Variants in ITFG1 observed in about 807,000 individuals in gnomAD.
ITFG1 encodes T-cell immunomodulatory protein.
In ITFG1, 34 loss-of-function variants were observed where a neutral mutation model predicts 81.8. The observed-to-expected ratio is 0.42, with a 90% CI of 0.32 to 0.55. The LOEUF (loss-of-function observed/expected upper bound fraction) is 0.55, where lower values mean the gene tolerates loss of function less well. Ranked by LOEUF, ITFG1 falls within the 20% of genes least tolerant of loss-of-function variation. The probability of loss-of-function intolerance (pLI) is 0.17; values close to 1 mark genes in which losing one functional copy is unlikely to be tolerated. For missense variants in ITFG1, 672 were observed against 755.4 expected (o/e 0.89, Z 1.29); for synonymous variants, 285 against 270.6 (o/e 1.05, Z -0.52).
In ITFG1 at chr16:47,275,534, C is replaced by G. The variant is rs139208534; in HGVS notation, c.1071-14839G>C. ...CACAGATTTAACGTTCTGAATCCAACTGCATGCTTGACATGCTGTAGGAGA... is the reference window on the plus strand; with the variant it reads ...CACAGATTTAACGTTCTGAATCCAAGTGCATGCTTGACATGCTGTAGGAGA... On this transcript the variant is annotated intron_variant, in intron 10 of 17. Coordinates refer to ENST00000320640, the MANE Select transcript of ITFG1 (RefSeq NM_030790.5). 4.9e-4 allele frequency among the ~76,000 whole-genome samples: 75 copies of G among 152,280 alleles called. 1 individual carries two copies. The highest frequency in any genetic ancestry group is 1.6e-3 in the African/African-American group (66 of 41,582).
intron 6 of ITFG1, among the ~76,000 whole-genome samples, chr16:47,409,397 TA>T (rs1968775885): frequency 4.3e-3 from 81 of 18,680 alleles, no homozygotes; most frequent in African/African-American, 7.0e-3. Context: ...TATATATATA[TA>T]TATATATTTT....
At chr16:47,230,560 G>A (rs1965804777) in intron 13 of ITFG1, among the ~76,000 whole-genome samples, 1 of 152,168 alleles carries the variant, frequency 6.6e-6, no homozygotes, top group Non-Finnish European at 1.5e-5. Context: ...AAAGACACCA[G>A]CAGACAAGTG....
chr16:47,460,750 G>A (rs1322424219), intron 1 of ITFG1, 88 bp downstream of exon 1: 4 of 1,401,950 alleles, frequency 2.9e-6, no homozygotes, highest in Non-Finnish European at 4.0e-6. Flanking sequence ...AGGAAATGCA[G>A]AAGGACCGGC....
chr16:47,215,026 A>G (rs1965608855), intron 14 of ITFG1, among the ~76,000 whole-genome samples: 1 of 152,124 alleles, frequency 6.6e-6, no homozygotes, highest in South Asian at 2.1e-4. Flanking sequence ...ACTCTGATCA[A>G]TAGATTGTTT....
chr16:47,363,279 T>C (rs1968132986), intron 8 of ITFG1, among the ~76,000 whole-genome samples: 1 of 152,208 alleles, frequency 6.6e-6, no homozygotes, highest in Non-Finnish European at 1.5e-5. Flanking sequence ...TAAAGCATAA[T>C]AGAAGTTTAA....
chr16:47,440,277 C>T (rs1370110116), intron 5 of ITFG1, among the ~76,000 whole-genome samples: 4 of 152,112 alleles, frequency 2.6e-5, no homozygotes, highest in Admixed American at 6.5e-5. Context: ...GACAGATCAA[C>T]GAAACAGAAA....
intron 8 of ITFG1, among the ~76,000 whole-genome samples, chr16:47,352,059 C>G (rs191926127): frequency 2.0e-5 from 3 of 152,258 alleles, no homozygotes; most frequent in Non-Finnish European, 4.4e-5. Context: ...AAAATTAATT[C>G]AAGATGGACT....
chr16:47,181,987 G>T (rs1033271172), intron 14 of ITFG1, among the ~76,000 whole-genome samples: 1 of 152,026 alleles, frequency 6.6e-6, no homozygotes, highest in African/African-American at 2.4e-5. Context: ...AAGGCAGCAG[G>T]CTCCTTAAGA....
chr16:47,185,428 A>G (rs1965198318), intron 14 of ITFG1, among the ~76,000 whole-genome samples: 1 of 152,250 alleles, frequency 6.6e-6, no homozygotes, highest in Non-Finnish European at 1.5e-5. Context: ...GACAAAGTGC[A>G]ATCAAACTAG....
intron 13 of ITFG1, among the ~76,000 whole-genome samples, chr16:47,230,602 G>A (rs1170024766): frequency 6.6e-6 from 1 of 152,146 alleles, no homozygotes; most frequent in African/African-American, 2.4e-5. Flanking sequence ...ATAAACAGTG[G>A]AACAAGGCCC....
intron 10 of ITFG1, among the ~76,000 whole-genome samples, chr16:47,303,937 A>C (rs1156769327): frequency 1.3e-5 from 2 of 152,074 alleles, no homozygotes; most frequent in East Asian, 3.9e-4. Flanking sequence ...GCCTGTTAAT[A>C]ATTTTCCGTT....
chr16:47,451,273 T>C, intron 5 of ITFG1, 123 bp downstream of exon 5: 1 of 587,402 alleles, frequency 1.7e-6, no homozygotes, highest in Non-Finnish European at 3.0e-6. Flanking sequence ...CTTATATATA[T>C]TAACCAAATG....
chr16:47,211,365 T>C (rs948288317), intron 14 of ITFG1, among the ~76,000 whole-genome samples: 6 of 152,232 alleles, frequency 3.9e-5, no homozygotes, highest in Non-Finnish European at 5.9e-5. Flanking sequence ...TTTGCGTTCT[T>C]GTATCCTGCA....
intron 6 of ITFG1, among the ~76,000 whole-genome samples, chr16:47,423,193 C>T (rs1389144651): frequency 6.7e-6 from 1 of 149,964 alleles, no homozygotes; most frequent in Non-Finnish European, 1.5e-5. Context: ...TTCTTTGTCT[C>T]TTTTGATCTT....
At chr16:47,369,617 T>A (rs1968223371) in intron 7 of ITFG1, among the ~76,000 whole-genome samples, 1 of 152,144 alleles carries the variant, frequency 6.6e-6, no homozygotes, top group African/African-American at 2.4e-5. Flanking sequence ...ATTTGTATAT[T>A]TATGTTCTTT....
In ITFG1 at chr16:47,380,272, C is replaced by T. The variant is rs547000519; in HGVS notation, c.656-4332G>A. Among the ~76,000 whole-genome samples, 13 of 152,212 alleles carry T rather than the reference C, an allele frequency of 8.5e-5. No individual in the cohort carries two copies. In the East Asian group the frequency reaches 1.2e-3, roughly 14 times the overall value. ...CAGAAACTCTGAGTCCTCAGATTCA[C>T]GCAAAACTTCATAGTCTGCAGAAGT... On this transcript the variant is annotated intron_variant, in intron 6 of 17. Coordinates refer to ENST00000320640, the MANE Select transcript of ITFG1 (RefSeq NM_030790.5).
At chr16:47,319,121 T>C (rs957958104) in intron 8 of ITFG1, among the ~76,000 whole-genome samples, 2 of 152,226 alleles carry the variant, frequency 1.3e-5, no homozygotes, top group Non-Finnish European at 1.5e-5. Flanking sequence ...AATCACACAT[T>C]GATCATTTGA....
At chr16:47,438,331 G>A (rs1260996379) in intron 5 of ITFG1, among the ~76,000 whole-genome samples, 3 of 152,210 alleles carry the variant, frequency 2.0e-5, no homozygotes, top group Non-Finnish European at 4.4e-5. Flanking sequence ...CAGCTTTGAA[G>A]AGAGTAGTGG....
chr16:47,319,365 C>A (rs571810934), intron 8 of ITFG1, among the ~76,000 whole-genome samples: 1 of 152,288 alleles, frequency 6.6e-6, no homozygotes, highest in Admixed American at 6.5e-5. Context: ...AAGCTCACTT[C>A]GTTCATTTTA....
Sources: gnomAD v4.1 joint callset for allele counts (sites outside exome capture counted in the v4.1 genomes callset) on GRCh38, gnomAD v4.1.1 for gene constraint, MANE v1.5 for transcripts, NCBI Gene and HGNC (gene_info 2026-07-23, HGNC 2026-07-21) for gene names.